The following DDX4 variants were observed in gnomAD, a reference collection of about 807,000 sequenced individuals.
DDX4 encodes DEAD-box helicase 4, also known as probable ATP-dependent RNA helicase DDX4.
Under a neutral mutation model 100.0 loss-of-function variants are expected in DDX4, and 25 were observed. The ratio of observed to expected loss-of-function variants is 0.25; its 90% CI spans 0.18 to 0.35. The LOEUF (loss-of-function observed/expected upper bound fraction) is 0.35. Among genes scored for constraint, DDX4 ranks in the 10% least tolerant of loss-of-function variants. DDX4 has a pLI of 1.00. For synonymous variants in DDX4, 259 were observed against 275.7 expected (o/e 0.94, Z 0.60); for missense variants, 635 against 882.4 (o/e 0.72, Z 3.55).
chr5:55,766,913 A>G (rs1239625692), intron 6 of DDX4: 1 of 1,516,352 alleles, frequency 6.6e-7, no homozygotes, highest in Non-Finnish European at 8.8e-7. Flanking sequence ...TTCCTTTCAG[A>G]ATAAACATTT....
intron 6 of DDX4, chr5:55,766,866 T>C: frequency 6.7e-7 from 1 of 1,501,624 alleles, no homozygotes; most frequent in Non-Finnish European, 8.8e-7. Context: ...CCTGATGTCA[T>C]AGTAATAACA....
At chr5:55,785,180 G>T in intron 10 of DDX4, 117 bp from the exon 11 acceptor site, 2 of 715,900 alleles carry the variant, frequency 2.8e-6, no homozygotes, top group Middle Eastern at 3.9e-4. Context: ...TCAAGTATTT[G>T]TAAGAAGGGA....
intron 6 of DDX4, among the ~76,000 whole-genome samples, chr5:55,765,000 T>A (rs1317039931): frequency 2.0e-5 from 3 of 152,196 alleles, no homozygotes; most frequent in African/African-American, 7.2e-5. Flanking sequence ...ACACTTTTGG[T>A]ATAAGGCCGG....
chr5:55,744,840 C>G (rs1473244371), intron 2 of DDX4, among the ~76,000 whole-genome samples: 2 of 152,158 alleles, frequency 1.3e-5, no homozygotes, highest in South Asian at 4.2e-4. Context: ...TGTTTCCAGT[C>G]CATAAGTGAA....
intron 4 of DDX4, among the ~76,000 whole-genome samples, chr5:55,762,928 C>T (rs969580830): frequency 6.6e-6 from 1 of 152,042 alleles, no homozygotes; most frequent in Admixed American, 6.6e-5. Flanking sequence ...GCTTGAAGGT[C>T]TCCAATATAA....
At chr5:55,794,529 T>C (rs1742803068) in intron 17 of DDX4, among the ~76,000 whole-genome samples, 1 of 151,934 alleles carries the variant, frequency 6.6e-6, no homozygotes, top group South Asian at 2.1e-4. Context: ...GGAAATGGGG[T>C]ATTTGCATTC....
rs1744442314 is a variant in DDX4 at position 55,816,730 on chromosome 5, A to G, written c.*190A>G. The G allele has an allele frequency of 1.1e-6, 1 of 940,524 alleles. No homozygotes were observed. Among genetic ancestry groups the G allele is most frequent in the South Asian group, 2.4e-5 (1 of 41,112 alleles). 58.3% of individuals were successfully genotyped at this position (940,524 alleles called of 1,614,324 possible). On this transcript the variant is annotated 3_prime_UTR_variant, in exon 22 of 22. Transcript: ENST00000505374. ...TGCTAAAACTTACAACATTGCAGTT[A>G]CTGATACAAATGGTGTTAACTGGGA...
intron 7 of DDX4, 168 bp downstream of exon 7, chr5:55,768,108 C>T: frequency 3.2e-6 from 2 of 628,572 alleles, no homozygotes; most frequent in South Asian, 2.1e-5. Flanking sequence ...TCAGTGGGTG[C>T]CCCTCCTTTC....
chr5:55,803,401 T>G (rs1405783423), intron 18 of DDX4, among the ~76,000 whole-genome samples: 4 of 150,750 alleles, frequency 2.7e-5, no homozygotes. Context: ...TGTATACATG[T>G]GCCATGCTGG....
At chr5:55,780,206 A>G in intron 8 of DDX4, 141 bp downstream of exon 8, 1 of 1,288,344 alleles carries the variant, frequency 7.8e-7, no homozygotes, top group Non-Finnish European at 1.0e-6. Flanking sequence ...TAATCACCAC[A>G]TTGTATATAA....
chr5:55,793,046 G>T (rs1273003028), intron 17 of DDX4, among the ~76,000 whole-genome samples: 16 of 147,928 alleles, frequency 1.1e-4, no homozygotes, highest in African/African-American at 2.0e-4. Context: ...GTGTGTGTGT[G>T]TGTGTGTGTT....
At chr5:55,776,945 A>T (rs1396929862) in intron 7 of DDX4, among the ~76,000 whole-genome samples, 2 of 152,206 alleles carry the variant, frequency 1.3e-5, no homozygotes, top group Non-Finnish European at 2.9e-5. Context: ...TTAAAATACT[A>T]GCAAATGAAA....
chr5:55,814,850 C>T, intron 19 of DDX4, 51 bp from the exon 20 acceptor site: 2 of 1,551,790 alleles, frequency 1.3e-6, no homozygotes, highest in Non-Finnish European at 1.7e-6. Flanking sequence ...TAATGATTCA[C>T]TTTAATGATT....
At chr5:55,791,938 C>T (rs373008382) in intron 16 of DDX4, among the ~76,000 whole-genome samples, 2 of 151,728 alleles carry the variant, frequency 1.3e-5, no homozygotes, top group Admixed American at 6.6e-5. Flanking sequence ...GGTGAAACCC[C>T]GTCTCTACTA....
intron 7 of DDX4, among the ~76,000 whole-genome samples, chr5:55,771,947 G>A (rs767965215): frequency 3.3e-5 from 5 of 152,096 alleles, no homozygotes; most frequent in Non-Finnish European, 7.4e-5. Flanking sequence ...CAGATAGGCC[G>A]GACGCGGTGG....
intron 10 of DDX4, among the ~76,000 whole-genome samples, chr5:55,783,939 A>C (rs969615881): frequency 2.0e-5 from 3 of 151,686 alleles, no homozygotes; most frequent in African/African-American, 7.3e-5. Flanking sequence ...TGCTGCACCC[A>C]TCAACTCATC....
chr5:55,756,426 G>T (rs535145067), intron 3 of DDX4, among the ~76,000 whole-genome samples: 91 of 152,216 alleles, frequency 6.0e-4, no homozygotes, highest in African/African-American at 2.1e-3. Flanking sequence ...GTAATGAAAG[G>T]GATTAGAAGT....
intron 3 of DDX4, among the ~76,000 whole-genome samples, chr5:55,755,790 A>G (rs1399368257): frequency 6.6e-6 from 1 of 152,070 alleles, no homozygotes; most frequent in African/African-American, 2.4e-5. Context: ...ACACAGCATA[A>G]ATGTACAGCT....
At chr5:55,741,400 GTGT>G (rs1561476501) in intron 2 of DDX4, among the ~76,000 whole-genome samples, 4 of 152,278 alleles carry the variant, frequency 2.6e-5, no homozygotes, top group African/African-American at 9.6e-5. Context: ...TTAACACCTG[GTGT>G]TGTGCTGGTT....
Sources: allele counts gnomAD v4.1 joint callset (sites outside exome capture counted in the v4.1 genomes callset), GRCh38; gene constraint gnomAD v4.1.1; transcripts MANE v1.5; gene names NCBI Gene and HGNC (gene_info 2026-07-23, HGNC 2026-07-21).